Variants in FOXP1 observed in about 807,000 individuals in gnomAD.
The protein encoded by FOXP1 is forkhead box P1, also known as forkhead box protein P1.
A neutral mutation model predicts 98.2 loss-of-function variants in FOXP1; 15 were observed. The observed-to-expected ratio is 0.15, with a 90% CI of 0.10 to 0.24. The LOEUF is 0.24. Among genes scored for constraint, FOXP1 ranks in the 10% least tolerant of loss-of-function variants. The probability of loss-of-function intolerance (pLI) is 1.00; values close to 1 mark genes in which losing one functional copy is unlikely to be tolerated. For synonymous variants in FOXP1, 371 were observed against 314.5 expected, an observed-to-expected ratio of 1.18 and a Z score of -1.90; for missense variants, 633 against 848.5, an observed-to-expected ratio of 0.75 and a Z score of 3.15.
intron 6 of FOXP1, among the ~76,000 whole-genome samples, chr3:71,174,785 TACACACACACACACACACACAC>T (rs3064896): frequency 7.6e-6 from 1 of 131,678 alleles, no homozygotes; most frequent in Non-Finnish European, 1.6e-5. Flanking sequence ...TGCACATGCA[TACACACACACACACACACACAC>T]ACACACACAC....
intron 3 of FOXP1, among the ~76,000 whole-genome samples, chr3:71,397,099 TAC>T (rs1491015968): frequency 1.3e-4 from 7 of 55,878 alleles, no homozygotes; most frequent in South Asian, 5.3e-4. Context: ...TATATATATA[TAC>T]ATATATATAT....
intron 3 of FOXP1, among the ~76,000 whole-genome samples, chr3:71,480,146 G>A (rs982143018): frequency 2.0e-5 from 3 of 152,132 alleles, no homozygotes; most frequent in Non-Finnish European, 4.4e-5. Context: ...AGAAGATCGC[G>A]CCACTGCACT....
At chr3:71,241,853 G>C (rs1181769389) in intron 5 of FOXP1, among the ~76,000 whole-genome samples, 1 of 152,120 alleles carries the variant, frequency 6.6e-6, no homozygotes, top group Middle Eastern at 3.2e-3. Flanking sequence ...TTTTGTTAAT[G>C]AACAGCTGTA....
intron 11 of FOXP1, among the ~76,000 whole-genome samples, chr3:71,041,016 C>G (rs959354120): frequency 1.3e-5 from 2 of 152,176 alleles, no homozygotes; most frequent in African/African-American, 4.8e-5. Flanking sequence ...TCAGCTTGTA[C>G]GGAGTGAGCA....
intron 4 of FOXP1, among the ~76,000 whole-genome samples, chr3:71,349,407 T>C (rs1207406593): frequency 6.6e-6 from 1 of 152,316 alleles, no homozygotes; most frequent in East Asian, 1.9e-4. Flanking sequence ...ACAGTGATGC[T>C]TCTACACTGA....
At chr3:71,239,706 G>A (rs2067090633) in intron 5 of FOXP1, among the ~76,000 whole-genome samples, 1 of 152,118 alleles carries the variant, frequency 6.6e-6, no homozygotes, top group Non-Finnish European at 1.5e-5. Flanking sequence ...TGTAAAAGCA[G>A]GAAAAAGAAT....
intron 7 of FOXP1, among the ~76,000 whole-genome samples, chr3:71,072,722 A>G (rs1191664123): frequency 1.3e-5 from 2 of 152,162 alleles, no homozygotes; most frequent in East Asian, 3.9e-4. Context: ...ACCAAAAAAG[A>G]TTTCTGAATA....
At chr3:71,445,625 T>C (rs1180015521) in intron 3 of FOXP1, among the ~76,000 whole-genome samples, 10 of 152,160 alleles carry the variant, frequency 6.6e-5, no homozygotes, top group African/African-American at 2.2e-4. Context: ...TTACACAGTA[T>C]TGAAATTAAC....
intron 3 of FOXP1, among the ~76,000 whole-genome samples, chr3:71,404,305 T>C (rs1226338510): frequency 1.3e-5 from 2 of 151,768 alleles, no homozygotes; most frequent in African/African-American, 2.4e-5. Flanking sequence ...TTTTGTATTT[T>C]TAGTAGAGAC....
chr3:71,151,773 A>C (rs1369113452), intron 6 of FOXP1, among the ~76,000 whole-genome samples: 1 of 151,630 alleles, frequency 6.6e-6, no homozygotes, highest in Non-Finnish European at 1.5e-5. Flanking sequence ...CATCTTAAGT[A>C]GCCTGCTACT....
intron 3 of FOXP1, among the ~76,000 whole-genome samples, chr3:71,482,087 G>A (rs960715558): frequency 1.3e-5 from 2 of 152,102 alleles, no homozygotes; most frequent in African/African-American, 4.8e-5. Flanking sequence ...TTCTTCAGAC[G>A]CAATCAGCTG....
chr3:71,017,211 T>C (rs573303372), intron 11 of FOXP1, among the ~76,000 whole-genome samples: 3 of 152,058 alleles, frequency 2.0e-5, no homozygotes, highest in Non-Finnish European at 4.4e-5. Flanking sequence ...TTACTACCTA[T>C]TTGTGTTCAT....
intron 4 of FOXP1, among the ~76,000 whole-genome samples, chr3:71,348,260 C>T (rs1472897142): frequency 6.6e-6 from 1 of 152,014 alleles, no homozygotes. Context: ...ATCTATTTCC[C>T]GTAGAACTAG....
chr3:71,526,749 C>G (rs2043414183), intron 2 of FOXP1, among the ~76,000 whole-genome samples: 1 of 152,082 alleles, frequency 6.6e-6, no homozygotes, highest in South Asian at 2.1e-4. Flanking sequence ...GGGCGGATCA[C>G]CCAAGGTCGG....
chr3:71,231,078 A>G (rs779593895), intron 5 of FOXP1, among the ~76,000 whole-genome samples: 3 of 152,222 alleles, frequency 2.0e-5, no homozygotes, highest in Admixed American at 6.5e-5. Context: ...TTGTTAAGTA[A>G]CAGATCATTT....
chr3:70,985,931 T>C (rs1335532782), intron 14 of FOXP1, among the ~76,000 whole-genome samples: 1 of 152,212 alleles, frequency 6.6e-6, no homozygotes, highest in Admixed American at 6.5e-5. Flanking sequence ...CTGCTGTGTA[T>C]GAATTCAAAA....
At chr3:71,381,297 C>T (rs1306055059) in intron 3 of FOXP1, among the ~76,000 whole-genome samples, 2 of 151,938 alleles carry the variant, frequency 1.3e-5, no homozygotes, top group Non-Finnish European at 2.9e-5. Context: ...ACTACAGGCG[C>T]CTGCCACCGC....
chr3:71,525,342 T>C (rs1470870859), intron 2 of FOXP1, among the ~76,000 whole-genome samples: 2 of 152,222 alleles, frequency 1.3e-5, no homozygotes, highest in Non-Finnish European at 2.9e-5. Context: ...CTACAAAATA[T>C]GTGAATCTAT....
chr3:71,580,220 A>G (rs1458237948), intron 2 of FOXP1, among the ~76,000 whole-genome samples: 67 of 150,450 alleles, frequency 4.5e-4, no homozygotes, highest in Admixed American at 4.4e-3. Context: ...CTCTCATACA[A>G]TGACTAATCC....
Sources: gnomAD v4.1 joint callset for allele counts (sites outside exome capture counted in the v4.1 genomes callset) on GRCh38, gnomAD v4.1.1 for gene constraint, MANE v1.5 for transcripts, NCBI Gene and HGNC (gene_info 2026-07-23, HGNC 2026-07-21) for gene names.